Variants in VWC2L observed in about 807,000 individuals in gnomAD.
The protein encoded by VWC2L is von Willebrand factor C domain-containing protein 2-like.
Under a neutral mutation model 21.6 loss-of-function variants are expected in VWC2L, and 10 were observed. That is an observed-to-expected ratio of 0.46 (90% CI 0.29 to 0.78). The LOEUF is 0.78. VWC2L is among the 30% of genes least tolerant of loss of function. The pLI, the probability that VWC2L is intolerant of heterozygous loss-of-function variation, is 0.10. For missense variants in VWC2L, 209 were observed against 277.1 expected (o/e 0.75, Z 1.74); for synonymous variants, 96 against 94.3 (o/e 1.02, Z -0.10).
At chr2:214,513,467 C>G (rs1689090396) in intron 3 of VWC2L, among the ~76,000 whole-genome samples, 1 of 152,092 alleles carries the variant, frequency 6.6e-6, no homozygotes, top group South Asian at 2.1e-4. Flanking sequence ...CAGAAAGATT[C>G]TCATTTGACA....
intron 3 of VWC2L, among the ~76,000 whole-genome samples, chr2:214,524,350 C>A (rs1056506009): frequency 1.2e-4 from 19 of 152,050 alleles, no homozygotes; most frequent in Non-Finnish European, 2.4e-4. Context: ...TAAAGATGAC[C>A]AGGTCTGTTT....
At chr2:214,518,179 T>A (rs11893155) in intron 3 of VWC2L, among the ~76,000 whole-genome samples, 4,975 of 147,350 alleles carry the variant, frequency 0.034, 267 homozygotes, top group African/African-American at 0.12. Context: ...AAAAAAAAAA[T>A]GAATTAGTAC....
At chr2:214,491,052 G>A (rs543247635) in intron 3 of VWC2L, among the ~76,000 whole-genome samples, 1 of 152,272 alleles carries the variant, frequency 6.6e-6, no homozygotes, top group East Asian at 1.9e-4. Context: ...TACTCAATGG[G>A]TATAGATTTC....
intron 3 of VWC2L, among the ~76,000 whole-genome samples, chr2:214,537,210 G>T (rs77091556): frequency 0.094 from 14,260 of 152,052 alleles, 999 homozygotes; most frequent in East Asian, 0.29. Flanking sequence ...GAGCATAAAT[G>T]TCTCTGGATC....
intron 3 of VWC2L, among the ~76,000 whole-genome samples, chr2:214,550,442 C>G (rs112434513): frequency 2.0e-5 from 3 of 152,176 alleles, no homozygotes; most frequent in Admixed American, 6.5e-5. Context: ...ACACTTATTA[C>G]CAAAAATCAA....
chr2:214,553,059 G>A (rs1422790653), intron 3 of VWC2L, among the ~76,000 whole-genome samples: 1 of 152,050 alleles, frequency 6.6e-6, no homozygotes, highest in Non-Finnish European at 1.5e-5. Context: ...TCCTTTCAGT[G>A]TCTCCCCAGC....
intron 3 of VWC2L, among the ~76,000 whole-genome samples, chr2:214,573,657 G>A (rs1269323904): frequency 6.6e-6 from 1 of 152,202 alleles, no homozygotes; most frequent in African/African-American, 2.4e-5. Context: ...TCTCTGCCAA[G>A]TTCTCTGAAG....
rs377482232 is a variant in VWC2L, at chr2:214,426,045, G to A, written c.391-10584G>A. 4.7e-4 allele frequency among the ~76,000 whole-genome samples: 71 copies of A among 151,846 alleles called. 1 individual carries two copies. The highest frequency in any genetic ancestry group is 1.6e-3 in the African/African-American group (66 of 41,430). On this transcript the variant is annotated intron_variant, in intron 2 of 3. Coordinates refer to ENST00000312504, the MANE Select transcript of VWC2L (RefSeq NM_001080500.4). ...AGATTAGCCTGGCATGATGGTGGGTGCCCATAGTCCCAGGTACTTTGGAGG... is the reference window on the plus strand; with the variant it reads ...AGATTAGCCTGGCATGATGGTGGGTACCCATAGTCCCAGGTACTTTGGAGG...
chr2:214,485,231 A>C (rs1688659544), intron 3 of VWC2L, among the ~76,000 whole-genome samples: 1 of 152,056 alleles, frequency 6.6e-6, no homozygotes, highest in South Asian at 2.1e-4. Context: ...AGTCAGGAGA[A>C]TCTCTCGAAC....
At chr2:214,528,490 AC>A (rs1263024786) in intron 3 of VWC2L, among the ~76,000 whole-genome samples, 1 of 152,126 alleles carries the variant, frequency 6.6e-6, no homozygotes, top group African/African-American at 2.4e-5. Context: ...TATCCTCTTA[AC>A]TTTTCTTTTC....
chr2:214,428,996 A>T (rs1394251409), intron 2 of VWC2L, among the ~76,000 whole-genome samples: 1 of 151,726 alleles, frequency 6.6e-6, no homozygotes, highest in African/African-American at 2.4e-5. Context: ...TTCTGTTATC[A>T]CTTCCTTTCA....
chr2:214,461,090 G>A lies in VWC2L; in HGVS notation c.520+24332G>A, dbSNP rs576152043. On this transcript the variant is annotated intron_variant, in intron 3 of 3. Coordinates refer to ENST00000312504, the MANE Select transcript of VWC2L (RefSeq NM_001080500.4). Reference sequence around the variant, plus strand: ...TGCAGTTATTAGTGGAGGCTGTGGTGAGGCTTTGTTAGGAATGGGGATGCC... The same window carrying A: ...TGCAGTTATTAGTGGAGGCTGTGGTAAGGCTTTGTTAGGAATGGGGATGCC... Among the ~76,000 whole-genome samples, 8 of 152,354 alleles carry A rather than the reference G, an allele frequency of 5.3e-5. No homozygotes were observed. In the East Asian group the frequency reaches 1.2e-3, roughly 22 times the overall value.
At chr2:214,574,160 A>C (rs1286653506) in intron 3 of VWC2L, among the ~76,000 whole-genome samples, 3 of 152,066 alleles carry the variant, frequency 2.0e-5, no homozygotes, top group Non-Finnish European at 2.9e-5. Context: ...TAACAACAAC[A>C]ACAAAATGAA....
intron 3 of VWC2L, among the ~76,000 whole-genome samples, chr2:214,529,532 A>G (rs1689399231): frequency 6.6e-6 from 1 of 152,132 alleles, no homozygotes. Context: ...ACAAGCACTC[A>G]AGACCACATA....
intron 3 of VWC2L, among the ~76,000 whole-genome samples, chr2:214,499,501 G>T (rs907085910): frequency 7.5e-6 from 1 of 133,458 alleles, no homozygotes; most frequent in Non-Finnish European, 1.6e-5. Flanking sequence ...GGAGCCTGTC[G>T]TGGGGTGGGG....
At chr2:214,497,844 T>C (rs541884209) in intron 3 of VWC2L, among the ~76,000 whole-genome samples, 2 of 152,376 alleles carry the variant, frequency 1.3e-5, no homozygotes, top group East Asian at 3.9e-4. Context: ...TGCTCAGCCA[T>C]CTTTCAACAA....
At chr2:214,503,732 A>G (rs1688927909) in intron 3 of VWC2L, among the ~76,000 whole-genome samples, 1 of 70,868 alleles carries the variant, frequency 1.4e-5, no homozygotes, top group South Asian at 7.1e-4. Context: ...AGAAATGAGA[A>G]AAAAAAAAAA....
intron 3 of VWC2L, among the ~76,000 whole-genome samples, chr2:214,497,960 A>G (rs1287030763): frequency 2.0e-5 from 3 of 152,200 alleles, no homozygotes; most frequent in African/African-American, 7.2e-5. Context: ...TGGCTTGGCC[A>G]AATAGAAGTT....
chr2:214,513,859 G>T (rs1574608384), intron 3 of VWC2L, among the ~76,000 whole-genome samples: 1 of 152,186 alleles, frequency 6.6e-6, no homozygotes, highest in East Asian at 1.9e-4. Context: ...AAATTCTCAG[G>T]TGTATGAAGT....
Sources: allele counts gnomAD v4.1 joint callset (sites outside exome capture counted in the v4.1 genomes callset), GRCh38; gene constraint gnomAD v4.1.1; transcripts MANE v1.5; gene names NCBI Gene and HGNC (gene_info 2026-07-23, HGNC 2026-07-21).